Variants in STARD13 observed in about 807,000 individuals in gnomAD.
STARD13 encodes StAR related lipid transfer domain containing 13.
Under a neutral mutation model 106.4 loss-of-function variants are expected in STARD13, and 62 were observed. That is an observed-to-expected ratio of 0.58 (90% confidence interval 0.48 to 0.72). The LOEUF is 0.72. STARD13 is among the 30% of genes least tolerant of loss of function. The pLI is 0.00. For synonymous variants in STARD13, 565 were observed against 553.0 expected (o/e 1.02, Z -0.31); for missense variants, 1,387 against 1,424.0 (o/e 0.97, Z 0.42).
chr13:33,345,806 GTGAC>G (rs1439324013), downstream of STARD13, among the ~76,000 whole-genome samples: 4 of 151,978 alleles, frequency 2.6e-5, no homozygotes, highest in African/African-American at 9.7e-5. Context: ...TTGTGTCACT[GTGAC>G]CTACGTTAAG....
At chr13:33,109,641 A>G (rs1339958273) in intron 12 of STARD13, among the ~76,000 whole-genome samples, 1 of 152,218 alleles carries the variant, frequency 6.6e-6, no homozygotes, top group African/African-American at 2.4e-5. Context: ...TGTGTGCTCC[A>G]CAAGGAGAGG....
At chr13:33,317,372 A>G (rs1893380914) in intron 1 of STARD13, among the ~76,000 whole-genome samples, 1 of 152,170 alleles carries the variant, frequency 6.6e-6, no homozygotes. Flanking sequence ...GAAGCATCCT[A>G]CAATCAACAC....
At chr13:33,394,934 T>C in the STARD13 span, among the ~76,000 whole-genome samples, 1 of 152,170 alleles carries the variant, frequency 6.6e-6, no homozygotes, top group Non-Finnish European at 1.5e-5. Flanking sequence ...GGTGAGACAA[T>C]AGCAGAGAAT....
the STARD13 span, among the ~76,000 whole-genome samples, chr13:33,640,877 C>T: frequency 2.6e-5 from 4 of 152,184 alleles, no homozygotes; most frequent in Admixed American, 1.3e-4. Flanking sequence ...AATCTCTTGG[C>T]CTCCCTGAAG....
In STARD13 at chr13:33,163,998, T is replaced by C. The variant is rs374497819; in HGVS notation, c.323+1339A>G. Among the ~76,000 whole-genome samples the C allele has an allele frequency of 3.4e-4, 52 of 152,118 alleles. 1 individual carries two copies. The South Asian group carries it at 0.011, about 31-fold the overall frequency. On this transcript the variant is annotated intron_variant, in intron 3 of 13. Coordinates refer to ENST00000336934, the MANE Select transcript of STARD13 (RefSeq NM_178006.4). ...CTTAGACATGCAGAAGAGGAAACAC[T>C]GTCTTTCCAATTCATTACCTTTACA...
the STARD13 span, among the ~76,000 whole-genome samples, chr13:33,402,519 G>A: frequency 6.6e-6 from 1 of 152,204 alleles, no homozygotes; most frequent in African/African-American, 2.4e-5. Flanking sequence ...CCTGGCAAAG[G>A]CCCCACCCTC....
chr13:33,474,560 T>C, the STARD13 span, among the ~76,000 whole-genome samples: 1 of 152,214 alleles, frequency 6.6e-6, no homozygotes, highest in Non-Finnish European at 1.5e-5. Context: ...AGTCCAAGAA[T>C]TTTTCAAGTT....
chr13:33,186,342 T>G (rs1378413810), intron 1 of STARD13, among the ~76,000 whole-genome samples: 1 of 152,220 alleles, frequency 6.6e-6, no homozygotes, highest in African/African-American at 2.4e-5. Context: ...ATTCACATTC[T>G]CAACAGAGTC....
the STARD13 span, among the ~76,000 whole-genome samples, chr13:33,500,718 G>A: frequency 6.6e-6 from 1 of 152,078 alleles, no homozygotes. Context: ...AAGGAATCAA[G>A]AGCTGCCAAG....
chr13:33,511,084 C>T, the STARD13 span, among the ~76,000 whole-genome samples: 3 of 151,760 alleles, frequency 2.0e-5, no homozygotes, highest in Admixed American at 1.3e-4. Context: ...CTGAGGTGGG[C>T]GGATGACTTG....
chr13:33,143,843 G>A (rs2764610), intron 3 of STARD13, among the ~76,000 whole-genome samples: 47,693 of 152,068 alleles, frequency 0.31, 8,838 homozygotes, highest in Non-Finnish European at 0.43. Context: ...GAGCCACCGC[G>A]CCCAGCTTGT....
chr13:33,438,773 T>C, the STARD13 span, among the ~76,000 whole-genome samples: 19 of 152,312 alleles, frequency 1.2e-4, no homozygotes, highest in Non-Finnish European at 2.4e-4. Context: ...AGCTGAGATC[T>C]TGGGTGTCTG....
At chr13:33,629,367 T>G in the STARD13 span, among the ~76,000 whole-genome samples, 6 of 152,232 alleles carry the variant, frequency 3.9e-5, no homozygotes, top group East Asian at 7.7e-4. Flanking sequence ...TTTAAACTTA[T>G]AAGAAAATTG....
At chr13:33,455,411 C>T in the STARD13 span, among the ~76,000 whole-genome samples, 1 of 152,010 alleles carries the variant, frequency 6.6e-6, no homozygotes, top group African/African-American at 2.4e-5. Context: ...AGGCTGATGC[C>T]CCATATTACC....
Position 33,112,791 on chromosome 13 carries a change from T to A in STARD13, c.2422A>T (p.Met808Leu), listed in dbSNP as rs376590353. ...GGGGCCAGACACACTGCCAGGTTCA[T>A]GGGCGTCATCTGATTCTCTTCCACC... is the stretch of plus-strand genomic sequence containing the variant. ...NLVEENQMTP[M>L]NLAVCLAPSL... Residue 808 changes from methionine (M) to leucine (L), a missense_variant, in exon 9 of 14, where the codon ATG becomes TTG. Coordinates refer to ENST00000336934, the MANE Select transcript of STARD13 (RefSeq NM_178006.4). 6.2e-7 allele frequency: 1 copy of A among 1,613,836 alleles called. No individual in the cohort carries two copies. The highest frequency in any genetic ancestry group is 8.5e-7 in the Non-Finnish European group (1 of 1,179,942).
the STARD13 span, among the ~76,000 whole-genome samples, chr13:33,373,278 T>C: frequency 1.3e-5 from 2 of 152,208 alleles, no homozygotes; most frequent in Non-Finnish European, 2.9e-5. Context: ...TTCACAATTA[T>C]ATTTGGCATT....
chr13:33,634,005 C>T, the STARD13 span, among the ~76,000 whole-genome samples: 1 of 152,142 alleles, frequency 6.6e-6, no homozygotes, highest in African/African-American at 2.4e-5. Context: ...AGTCTAGACA[C>T]TACTCTTTTG....
At chr13:33,323,201 T>C (rs1435878817) in intron 1 of STARD13, among the ~76,000 whole-genome samples, 1 of 152,172 alleles carries the variant, frequency 6.6e-6, no homozygotes, top group Non-Finnish European at 1.5e-5. Flanking sequence ...GCTCCAGCCA[T>C]ATTAGGTGCC....
At chr13:33,211,829 G>GTGTGTA (rs751695255) in intron 1 of STARD13, among the ~76,000 whole-genome samples, 3,366 of 64,762 alleles carry the variant, frequency 0.052, 56 homozygotes, top group Non-Finnish European at 0.077. Context: ...GTGTGTGTAT[G>GTGTGTA]TGTGTGTGTG....
Sources: allele counts gnomAD v4.1 joint callset (sites outside exome capture counted in the v4.1 genomes callset), GRCh38; gene constraint gnomAD v4.1.1; transcripts MANE v1.5; gene names NCBI Gene and HGNC (gene_info 2026-07-23, HGNC 2026-07-21).